CNBD1: variants seen among roughly 807,000 people sequenced by gnomAD.
CNBD1 encodes the protein cyclic nucleotide-binding domain-containing protein 1.
A neutral mutation model predicts 54.4 loss-of-function variants in CNBD1; 71 were observed. The observed-to-expected ratio is 1.30, with a 90% CI of 1.08 to 1.59. CNBD1 has a LOEUF of 1.59. Ranked by LOEUF, CNBD1 falls within the 40% of genes most tolerant of loss-of-function variation. The probability of loss-of-function intolerance (pLI) is 0.00; values close to 1 mark genes in which losing one functional copy is unlikely to be tolerated. For missense variants in CNBD1, 659 were observed against 518.0 expected, an observed-to-expected ratio of 1.27 and a Z score of -2.64; for synonymous variants, 182 against 170.7, an observed-to-expected ratio of 1.07 and a Z score of -0.51.
intron 6 of CNBD1, among the ~76,000 whole-genome samples, chr8:87,261,910 CT>C (rs1808146758): frequency 6.6e-6 from 1 of 151,506 alleles, no homozygotes. Context: ...CTTCGGGAGG[CT>C]GAGGCAGGGA....
rs116457866 is a variant in CNBD1, at chr8:87,332,369, A to G, written c.1043-19316A>G. ...TCTAAAGAAAAAAAAAAAAAAAAGA[A>G]ACTCTTTAGTTTAATTAGGTCCCAT... On this transcript the variant is annotated intron_variant, in intron 8 of 10. Coordinates refer to ENST00000518476, the MANE Select transcript of CNBD1 (RefSeq NM_173538.3). Among the ~76,000 whole-genome samples, 498 of 152,032 alleles carry G rather than the reference A, an allele frequency of 3.3e-3. 2 individuals are homozygous for G. Among genetic ancestry groups the G allele is most frequent in the African/African-American group, 0.011 (471 of 41,470 alleles).
intron 8 of CNBD1, among the ~76,000 whole-genome samples, chr8:87,305,515 G>A (rs960355268): frequency 5.9e-5 from 9 of 151,992 alleles, no homozygotes; most frequent in Non-Finnish European, 1.3e-4. Flanking sequence ...ATACTATAAG[G>A]CCATAGTCAC....
chr8:87,107,112 G>A (rs556764878), intron 4 of CNBD1, among the ~76,000 whole-genome samples: 14 of 152,218 alleles, frequency 9.2e-5, no homozygotes, highest in Admixed American at 3.3e-4. Flanking sequence ...ACAGACGTGA[G>A]CCACCGCACC....
chr8:87,336,550 C>A (rs1809948133), intron 8 of CNBD1, among the ~76,000 whole-genome samples: 1 of 152,256 alleles, frequency 6.6e-6, no homozygotes, highest in East Asian at 1.9e-4. Flanking sequence ...TCCATCAGGT[C>A]ATTTATGTTT....
At chr8:87,129,984 C>T (rs1267876269) in intron 4 of CNBD1, among the ~76,000 whole-genome samples, 1 of 152,072 alleles carries the variant, frequency 6.6e-6, no homozygotes, top group Non-Finnish European at 1.5e-5. Flanking sequence ...TGGATGGCAG[C>T]AGGCAGAGAG....
intron 2 of CNBD1, among the ~76,000 whole-genome samples, chr8:87,388,326 G>T (rs537308555): frequency 6.6e-6 from 1 of 151,818 alleles, no homozygotes. Context: ...CTGGTTTTTT[G>T]AAAAGATCAA....
chr8:87,343,505 C>A (rs1340334208), intron 8 of CNBD1, among the ~76,000 whole-genome samples: 1 of 152,158 alleles, frequency 6.6e-6, no homozygotes, highest in Non-Finnish European at 1.5e-5. Context: ...CATTCGGGGT[C>A]CCTGACTTCC....
Position 87,073,127 on chromosome 8 carries a change from A to G in CNBD1, c.432-132866A>G, listed in dbSNP as rs567915087. Among the ~76,000 whole-genome samples the G allele has an allele frequency of 4.7e-4, 71 of 151,636 alleles. 1 individual carries two copies. The South Asian group carries it at 0.014, about 29-fold the overall frequency. ...TTCTGCTACTGATACTTGTGATTGA[A>G]TTGTGAAGTTCTCAGGTCCATCAGG... is the stretch of plus-strand genomic sequence containing the variant. On this transcript the variant is annotated intron_variant, in intron 4 of 10. Transcript: ENST00000518476.
intron 2 of CNBD1, among the ~76,000 whole-genome samples, chr8:87,390,127 C>A (rs1268551072): frequency 6.6e-6 from 1 of 151,586 alleles, no homozygotes. Flanking sequence ...AAACGTTAGA[C>A]CTAAAACCAT....
chr8:87,331,003 T>A (rs990068781), intron 8 of CNBD1, among the ~76,000 whole-genome samples: 6 of 152,204 alleles, frequency 3.9e-5, no homozygotes, highest in Non-Finnish European at 8.8e-5. Context: ...AAAGTGATTA[T>A]TGATATAGTT....
chr8:87,018,015 A>G (rs987307910), intron 4 of CNBD1, among the ~76,000 whole-genome samples: 1 of 152,216 alleles, frequency 6.6e-6, no homozygotes, highest in Non-Finnish European at 1.5e-5. Context: ...AGGCTGAGGC[A>G]GGCAGATCAC....
chr8:86,940,132 C>CTTTTTTTTTTTTTTTTTTTTTTTTT lies in CNBD1; in HGVS notation c.431+397_431+398insTTTTTTTTTTTTTTTTTTTTTTTTT, dbSNP rs10671983. The stretch of plus-strand genomic sequence containing the variant: ...CTTTAAATAAACTTACCACATGTTA[C>CTTTTTTTTTTTTTTTTTTTTTTTTT]TTTTTTTTTTTTTTTTTTTGAGACT... On this transcript the variant is annotated intron_variant, in intron 4 of 10. Transcript: ENST00000518476. 1.0e-4 allele frequency among the ~76,000 whole-genome samples: 9 copies of CTTTTTTTTTTTTTTTTTTTTTTTTT among 88,728 alleles called. 3 individuals are homozygous for CTTTTTTTTTTTTTTTTTTTTTTTTT. Among genetic ancestry groups the CTTTTTTTTTTTTTTTTTTTTTTTTT allele is most frequent in the African/African-American group, 3.2e-4 (7 of 21,930 alleles). The allele number at this position is 88,728 out of a possible 152,430, so 58.2% of individuals were successfully genotyped here.
At chr8:87,242,960 G>A (rs1807735490) in intron 6 of CNBD1, among the ~76,000 whole-genome samples, 1 of 152,160 alleles carries the variant, frequency 6.6e-6, no homozygotes, top group South Asian at 2.1e-4. Flanking sequence ...GGTGGAGGGA[G>A]GAAATGTGGT....
At chr8:87,021,404 A>G (rs1586203221) in intron 4 of CNBD1, among the ~76,000 whole-genome samples, 3 of 152,358 alleles carry the variant, frequency 2.0e-5, no homozygotes, top group East Asian at 1.9e-4. Flanking sequence ...TACCATATAG[A>G]TACAAGAAAT....
At chr8:87,318,005 A>G (rs1002642795) in intron 8 of CNBD1, among the ~76,000 whole-genome samples, 3 of 151,968 alleles carry the variant, frequency 2.0e-5, no homozygotes, top group Non-Finnish European at 4.4e-5. Context: ...CAGAACCATT[A>G]TATTTTTTAT....
At chr8:87,272,918 T>A (rs1433515940) in intron 6 of CNBD1, among the ~76,000 whole-genome samples, 1 of 151,934 alleles carries the variant, frequency 6.6e-6, no homozygotes, top group African/African-American at 2.4e-5. Context: ...TATTTTTAGT[T>A]CTTCATGCTC....
chr8:87,078,857 C>G (rs573180127), intron 4 of CNBD1, among the ~76,000 whole-genome samples: 2 of 152,216 alleles, frequency 1.3e-5, no homozygotes, highest in South Asian at 4.1e-4. Context: ...AGTGTTTGCT[C>G]TCAGTAGTTT....
chr8:87,211,555 C>G (rs980349966), intron 5 of CNBD1, among the ~76,000 whole-genome samples: 1 of 152,084 alleles, frequency 6.6e-6, no homozygotes, highest in African/African-American at 2.4e-5. Context: ...TGGTACTGTC[C>G]TCATGATAGT....
Position 86,866,646 on chromosome 8 carries a change from A to G in CNBD1, c.88+63A>G. 3.1e-6 allele frequency: 4 copies of G among 1,282,398 alleles called. No individual in the cohort carries two copies. In the East Asian group the frequency reaches 9.9e-5, roughly 32 times the overall value. The allele number at this position is 1,282,398 out of a possible 1,614,324, so 79.4% of individuals were successfully genotyped here. On this transcript the variant is annotated intron_variant, in intron 1 of 10. Coordinates refer to ENST00000518476, the MANE Select transcript of CNBD1 (RefSeq NM_173538.3). The stretch of plus-strand genomic sequence containing the variant: ...CATTGTTTTCAGCGGTTCTTACCCC[A>G]GCTATGAAAATTGGGGGTATTTCAG...
Sources: gnomAD v4.1 joint callset for allele counts (sites outside exome capture counted in the v4.1 genomes callset) on GRCh38, gnomAD v4.1.1 for gene constraint, MANE v1.5 for transcripts, NCBI Gene and HGNC (gene_info 2026-07-23, HGNC 2026-07-21) for gene names.